IMMP2L: variants seen among roughly 807,000 people sequenced by gnomAD.
IMMP2L encodes the protein mitochondrial inner membrane protease subunit 2.
In IMMP2L, 18 loss-of-function variants were observed where a neutral mutation model predicts 19.3. The observed-to-expected ratio is 0.93, with a 90% CI of 0.64 to 1.38. The LOEUF is 1.38. Ranked by LOEUF, IMMP2L falls within the 40% of genes most tolerant of loss-of-function variation. The probability of loss-of-function intolerance (pLI) is 0.00; values close to 1 mark genes in which losing one functional copy is unlikely to be tolerated. For missense variants in IMMP2L, 233 were observed against 218.2 expected, an observed-to-expected ratio of 1.07 and a Z score of -0.43; for synonymous variants, 76 against 73.0, an observed-to-expected ratio of 1.04 and a Z score of -0.21.
chr7:111,053,317 G>A (rs765573551), intron 3 of IMMP2L, among the ~76,000 whole-genome samples: 9 of 152,160 alleles, frequency 5.9e-5, no homozygotes, highest in East Asian at 1.9e-4. Context: ...ACCTGCTAGC[G>A]CTTGGGAGGG....
At chr7:110,843,159 A>AT (rs1805278483) in intron 5 of IMMP2L, among the ~76,000 whole-genome samples, 1 of 152,316 alleles carries the variant, frequency 6.6e-6, no homozygotes, top group East Asian at 1.9e-4. Flanking sequence ...ATGAACTTTT[A>AT]ATGGTATTGA....
In IMMP2L at chr7:111,419,943, T is replaced by C. The variant is rs554660567; in HGVS notation, c.239+67295A>G. On this transcript the variant is annotated intron_variant, in intron 3 of 5. Transcript: ENST00000405709. Reference sequence around the variant, plus strand: ...GTAGTGGAGAAGTGTTACATAGTTATTGCTTAATGGATACACGGCTTCAGT... The same window carrying C: ...GTAGTGGAGAAGTGTTACATAGTTACTGCTTAATGGATACACGGCTTCAGT... Among the ~76,000 whole-genome samples the C allele has an allele frequency of 4.5e-4, 69 of 151,882 alleles. 1 individual carries two copies. The Middle Eastern group carries it at 0.01, about 22-fold the overall frequency.
chr7:111,325,738 A>G (rs565267081), intron 3 of IMMP2L, among the ~76,000 whole-genome samples: 1 of 151,862 alleles, frequency 6.6e-6, no homozygotes, highest in East Asian at 1.9e-4. Flanking sequence ...AAAAATATTG[A>G]AACTTTACAT....
chr7:110,963,110 C>T, intron 4 of IMMP2L: 1 of 1,503,976 alleles, frequency 6.6e-7, no homozygotes. Context: ...CAAAAGAGTC[C>T]TCTTAGTTTC....
At chr7:110,964,126 G>T (rs578167414) in intron 3 of IMMP2L, among the ~76,000 whole-genome samples, 3 of 151,994 alleles carry the variant, frequency 2.0e-5, no homozygotes, top group African/African-American at 7.2e-5. Context: ...CTTCTGCTAC[G>T]ATTGCAAGTT....
At chr7:111,324,825 A>G (rs1825141927) in intron 3 of IMMP2L, among the ~76,000 whole-genome samples, 1 of 151,948 alleles carries the variant, frequency 6.6e-6, no homozygotes, top group South Asian at 2.1e-4. Context: ...AAGTGCAAAC[A>G]ATAACACACC....
chr7:111,508,458 G>A (rs954097223), intron 2 of IMMP2L, among the ~76,000 whole-genome samples: 9 of 152,006 alleles, frequency 5.9e-5, no homozygotes, highest in Non-Finnish European at 1.0e-4. Context: ...AGTTCTTGTC[G>A]CACAACCAGG....
chr7:111,525,086 C>T (rs974045998), intron 1 of IMMP2L, among the ~76,000 whole-genome samples: 1 of 152,106 alleles, frequency 6.6e-6, no homozygotes, highest in Non-Finnish European at 1.5e-5. Context: ...ATCTGAAAAT[C>T]ACATAAACAT....
At chr7:111,399,333 A>G (rs956530411) in intron 3 of IMMP2L, among the ~76,000 whole-genome samples, 9 of 151,986 alleles carry the variant, frequency 5.9e-5, no homozygotes, top group Admixed American at 5.9e-4. Flanking sequence ...ACCCAAATAC[A>G]TACAGCCAAT....
At chr7:110,932,691 G>T (rs1585320427) in intron 4 of IMMP2L, among the ~76,000 whole-genome samples, 1 of 152,140 alleles carries the variant, frequency 6.6e-6, no homozygotes, top group Admixed American at 6.5e-5. Flanking sequence ...TGACATTTGA[G>T]AAAATATTTG....
rs369738668 is a variant in IMMP2L at position 111,010,862 on chromosome 7, C to T, written c.240-47297G>A. On this transcript the variant is annotated intron_variant, in intron 3 of 5. Transcript: ENST00000405709. ...ACATTCATGGTCTCAAGACTACAAA[C>T]GTGGCAAAGTTTCAACTGAAGACAA... 2.9e-4 allele frequency among the ~76,000 whole-genome samples: 44 copies of T among 151,906 alleles called. 1 individual carries two copies. Among genetic ancestry groups the T allele is most frequent in the East Asian group, 1.4e-3 (7 of 5,170 alleles).
intron 4 of IMMP2L, chr7:110,962,655 T>A (rs1819080724): frequency 1.1e-6 from 1 of 883,968 alleles, no homozygotes; most frequent in African/African-American, 1.8e-5. Flanking sequence ...CCAGTGGGGA[T>A]CCCCTGGGAT....
intron 3 of IMMP2L, among the ~76,000 whole-genome samples, chr7:111,118,705 A>G (rs756757442): frequency 1.3e-5 from 2 of 152,168 alleles, no homozygotes; most frequent in Admixed American, 1.3e-4. Flanking sequence ...CAAATAGCCC[A>G]TACTAAATAG....
chr7:111,373,826 C>A (rs1294923977), intron 3 of IMMP2L, among the ~76,000 whole-genome samples: 4 of 151,934 alleles, frequency 2.6e-5, no homozygotes, highest in African/African-American at 9.7e-5. Flanking sequence ...GAATGAAGAA[C>A]ACGAGAAAAT....
chr7:111,178,743 T>C (rs1807363931), intron 3 of IMMP2L, among the ~76,000 whole-genome samples: 1 of 152,102 alleles, frequency 6.6e-6, no homozygotes. Flanking sequence ...CATGAGATTG[T>C]AGCAATTCAG....
intron 3 of IMMP2L, among the ~76,000 whole-genome samples, chr7:111,270,057 C>CTGTGTGTGTGTGTGTGTG (rs58848663): frequency 2.8e-5 from 4 of 140,522 alleles, no homozygotes; most frequent in African/African-American, 1.0e-4. Flanking sequence ...GCATGTGTGT[C>CTGTGTGTGTGTGTGTGTG]TGTGTGTGTG....
chr7:111,116,717 C>T (rs1799922470), intron 3 of IMMP2L, among the ~76,000 whole-genome samples: 1 of 152,136 alleles, frequency 6.6e-6, no homozygotes, highest in Non-Finnish European at 1.5e-5. Flanking sequence ...TTCCACAATA[C>T]TCAACTGCCT....
intron 3 of IMMP2L, among the ~76,000 whole-genome samples, chr7:111,252,181 T>C (rs1418614526): frequency 6.6e-6 from 1 of 151,570 alleles, no homozygotes; most frequent in Non-Finnish European, 1.5e-5. Context: ...GCAGGATACC[T>C]TCCCTTTTGA....
intron 3 of IMMP2L, among the ~76,000 whole-genome samples, chr7:111,142,493 G>A (rs1276679824): frequency 6.6e-6 from 1 of 152,076 alleles, no homozygotes; most frequent in African/African-American, 2.4e-5. Context: ...ACATATTGAA[G>A]TAATCAGAAA....
Sources: allele counts gnomAD v4.1 joint callset (sites outside exome capture counted in the v4.1 genomes callset), GRCh38; gene constraint gnomAD v4.1.1; transcripts MANE v1.5; gene names NCBI Gene and HGNC (gene_info 2026-07-23, HGNC 2026-07-21).